NBEA: variants seen among roughly 807,000 people sequenced by gnomAD.
The protein encoded by NBEA is lysosomal-trafficking regulator 2.
Under a neutral mutation model 343.4 loss-of-function variants are expected in NBEA, and 44 were observed. The observed-to-expected ratio is 0.13, with a 90% CI of 0.10 to 0.16. The LOEUF (loss-of-function observed/expected upper bound fraction) is 0.16, where lower values mean the gene tolerates loss of function less well. Among genes scored for constraint, NBEA ranks in the 10% least tolerant of loss-of-function variants. The pLI, the probability that NBEA is intolerant of heterozygous loss-of-function variation, is 1.00. For missense variants in NBEA, 2,555 were observed against 3,631.3 expected (o/e 0.70, Z 7.62); for synonymous variants, 1,175 against 1,238.7 (o/e 0.95, Z 1.08).
At chr13:35,225,256 A>T (rs2074587769) in intron 33 of NBEA, among the ~76,000 whole-genome samples, 1 of 151,938 alleles carries the variant, frequency 6.6e-6, no homozygotes, top group Admixed American at 6.6e-5. Flanking sequence ...GATTTTATGT[A>T]TTTCTACATG....
intron 2 of NBEA, among the ~76,000 whole-genome samples, chr13:35,043,770 A>G (rs2062744388): frequency 6.6e-6 from 1 of 151,924 alleles, no homozygotes; most frequent in Admixed American, 6.6e-5. Flanking sequence ...ACAAATGACA[A>G]ATATTTTTTA....
intron 37 of NBEA, among the ~76,000 whole-genome samples, chr13:35,351,209 G>A (rs895363919): frequency 2.6e-5 from 4 of 151,964 alleles, no homozygotes; most frequent in African/African-American, 9.7e-5. Flanking sequence ...GCATAGTAAT[G>A]ATGAATGTGA....
At chr13:35,421,062 G>A (rs534248468) in intron 38 of NBEA, among the ~76,000 whole-genome samples, 1 of 151,482 alleles carries the variant, frequency 6.6e-6, no homozygotes, top group East Asian at 1.9e-4. Flanking sequence ...GTGTTCTTAA[G>A]GTGAGAATTT....
intron 41 of NBEA, among the ~76,000 whole-genome samples, chr13:35,540,418 C>G (rs1253363384): frequency 6.6e-6 from 1 of 152,078 alleles, no homozygotes; most frequent in African/African-American, 2.4e-5. Context: ...CACCTCATCC[C>G]TTTGTAAAAT....
intron 1 of NBEA, among the ~76,000 whole-genome samples, chr13:34,965,984 A>T (rs1199238809): frequency 6.6e-6 from 1 of 152,070 alleles, no homozygotes; most frequent in Non-Finnish European, 1.5e-5. Context: ...TCATGAGAAG[A>T]AACACTATTA....
At chr13:35,621,876 T>A (rs1462739019) in intron 48 of NBEA, among the ~76,000 whole-genome samples, 1 of 152,234 alleles carries the variant, frequency 6.6e-6, no homozygotes, top group Non-Finnish European at 1.5e-5. Context: ...AAGGCTTACA[T>A]TCTAATTGAG....
intron 39 of NBEA, among the ~76,000 whole-genome samples, chr13:35,438,117 A>G (rs1158362606): frequency 6.6e-6 from 1 of 151,712 alleles, no homozygotes; most frequent in Admixed American, 6.6e-5. Flanking sequence ...AGCCTGAGGA[A>G]AAAAAAAACA....
At chr13:35,066,148 A>G (rs2152571650) in intron 8 of NBEA, among the ~76,000 whole-genome samples, 1 of 152,104 alleles carries the variant, frequency 6.6e-6, no homozygotes, top group South Asian at 2.1e-4. Context: ...TTTTATGGAG[A>G]CAGGGTCTTG....
chr13:35,236,449 T>C (rs1190663073), intron 34 of NBEA, among the ~76,000 whole-genome samples: 1 of 91,020 alleles, frequency 1.1e-5, no homozygotes, highest in Non-Finnish European at 2.8e-5. Context: ...TTGTTTTGTT[T>C]TGTTTTGTTT....
At chr13:35,224,518 C>T (rs1488562554) in intron 33 of NBEA, among the ~76,000 whole-genome samples, 1 of 152,050 alleles carries the variant, frequency 6.6e-6, no homozygotes, top group Non-Finnish European at 1.5e-5. Flanking sequence ...TTCACTGAGT[C>T]TTTCCTTGGC....
chr13:35,212,540 A>G (rs1292869339), intron 33 of NBEA, among the ~76,000 whole-genome samples: 1 of 152,118 alleles, frequency 6.6e-6, no homozygotes, highest in African/African-American at 2.4e-5. Flanking sequence ...CATATTTGTT[A>G]GATAATTTGG....
chr13:35,360,035 T>TA (rs2040720243), intron 38 of NBEA, among the ~76,000 whole-genome samples: 1 of 151,928 alleles, frequency 6.6e-6, no homozygotes, highest in Non-Finnish European at 1.5e-5. Flanking sequence ...ATTTTACGGG[T>TA]AAAAAATGTG....
intron 35 of NBEA, among the ~76,000 whole-genome samples, chr13:35,295,948 T>C (rs754658641): frequency 7.2e-5 from 11 of 152,168 alleles, no homozygotes; most frequent in Non-Finnish European, 1.3e-4. Context: ...TCTTTTATGT[T>C]ATAAAATATT....
At chr13:35,664,638 C>T (rs1286287027) in intron 55 of NBEA, among the ~76,000 whole-genome samples, 3 of 152,216 alleles carry the variant, frequency 2.0e-5, no homozygotes, top group African/African-American at 7.2e-5. Flanking sequence ...CAATTCCAAC[C>T]CTTAGCTGTA....
chr13:35,124,038 A>G (rs2066939134), intron 17 of NBEA, among the ~76,000 whole-genome samples: 1 of 152,046 alleles, frequency 6.6e-6, no homozygotes. Flanking sequence ...AGAATACCTC[A>G]TTTCTTTCCC....
chr13:35,096,493 A>G (rs530464288), intron 10 of NBEA, among the ~76,000 whole-genome samples: 25 of 152,028 alleles, frequency 1.6e-4, no homozygotes, highest in African/African-American at 5.8e-4. Context: ...AATCCATGTC[A>G]TCCTTGCAAT....
chr13:35,455,144 T>A (rs912864660), intron 40 of NBEA, among the ~76,000 whole-genome samples: 11 of 151,912 alleles, frequency 7.2e-5, no homozygotes, highest in African/African-American at 2.4e-4. Context: ...AATACATCAT[T>A]TTTATAATTG....
chr13:35,073,389 A>G (rs986070970), intron 10 of NBEA, among the ~76,000 whole-genome samples: 1 of 152,164 alleles, frequency 6.6e-6, no homozygotes. Context: ...TTGCATGGTA[A>G]ATAGATGACT....
intron 30 of NBEA, among the ~76,000 whole-genome samples, chr13:35,187,478 A>T (rs2071805526): frequency 6.7e-6 from 1 of 149,682 alleles, no homozygotes; most frequent in Admixed American, 6.7e-5. Context: ...TAATATAATA[A>T]ATATTTTATA....
Sources: gnomAD v4.1 joint callset for allele counts (sites outside exome capture counted in the v4.1 genomes callset) on GRCh38, gnomAD v4.1.1 for gene constraint, MANE v1.5 for transcripts, NCBI Gene and HGNC (gene_info 2026-07-23, HGNC 2026-07-21) for gene names.